Variants in PASK observed in about 807,000 individuals in gnomAD.
PASK encodes the protein PAS domain-containing serine/threonine-protein kinase.
PASK carries 110 observed loss-of-function variants against 121.0 expected under a neutral mutation model. That is an observed-to-expected ratio of 0.91 (90% confidence interval 0.78 to 1.06). The LOEUF is 1.06. Among genes scored for constraint, PASK ranks in the 50% least tolerant of loss-of-function variants. The pLI is 0.00. For missense variants in PASK, 1,643 were observed against 1,702.3 expected (o/e 0.97, Z 0.61); for synonymous variants, 686 against 717.8 (o/e 0.96, Z 0.71).
chr2:241,112,152 G>T lies in PASK; in HGVS notation c.3533+88C>A. 2 of 1,000,292 alleles carry T rather than the reference G, an allele frequency of 2.0e-6. No homozygotes were observed. Among genetic ancestry groups the T allele is most frequent in the South Asian group, 1.3e-5 (1 of 77,382 alleles). The allele number at this position is 1,000,292 out of a possible 1,614,324, so 62.0% of individuals were successfully genotyped here. A position where few individuals can be genotyped will look rare whatever the true frequency, so the allele number is the denominator to read the frequency against. ...AACACTCATCACAAAGAGGCACAAA[G>T]GAAGCCATTTTCCCACCCAAAATCA... On this transcript the variant is annotated intron_variant, in intron 15 of 17. Coordinates refer to ENST00000234040, the MANE Select transcript of PASK (RefSeq NM_015148.4). This position sits in a 1 kb window ranked among gnomAD's most constrained non-coding sequence, Gnocchi z 5.2.
Position 241,115,405 on chromosome 2 carries a change from C to T in PASK, c.3081G>A (p.Val1027=). 1.2e-6 allele frequency: 2 copies of T among 1,613,840 alleles called. No individual in the cohort carries two copies. Among genetic ancestry groups the T allele is most frequent in the South Asian group, 1.1e-5 (1 of 91,084 alleles). The part of the protein sequence containing the change: ...VDKEKNKEVV[V]KFIKKEKVLE... ...AGACCTTCTCCTTCTTAATAAACTT[C>T]ACCACCACCTGTGAGGAAGACAGAG... is the stretch of plus-strand genomic sequence containing the variant. The change falls in exon 13 of 18, where the codon GTG becomes GTA. Residue 1027 remains valine, a synonymous_variant. Transcript: ENST00000234040.
Position 241,112,235 on chromosome 2 carries a change from C to G in PASK, c.3533+5G>C. On this transcript the variant is annotated splice_donor_5th_base_variant and intron_variant, in intron 15 of 17. Transcript: ENST00000234040. The surrounding 1 kb of genome is among the most constrained non-coding windows in gnomAD (Gnocchi z 5.2). Reference sequence around the variant, plus strand: ...GGACGGGCCGCACCGCAGCCGCATACGTACGGATTCCCCATGAGAACTTCC... The same window carrying G: ...GGACGGGCCGCACCGCAGCCGCATAGGTACGGATTCCCCATGAGAACTTCC... 1 of 1,609,654 alleles carries G rather than the reference C, an allele frequency of 6.2e-7. No homozygotes were observed. The highest frequency in any genetic ancestry group is 8.5e-7 in the Non-Finnish European group (1 of 1,175,980).
At chr2:241,117,890 G>A (rs913729102) in intron 12 of PASK, among the ~76,000 whole-genome samples, 1 of 152,056 alleles carries the variant, frequency 6.6e-6, no homozygotes, top group African/African-American at 2.4e-5. Context: ...ATATATTCTA[G>A]CAAATGAAAA....
At chr2:241,118,159 A>G (rs778913679) in intron 12 of PASK, among the ~76,000 whole-genome samples, 2 of 152,182 alleles carry the variant, frequency 1.3e-5, no homozygotes, top group Non-Finnish European at 2.9e-5. Flanking sequence ...AGCTCATCCT[A>G]AAATCCTTAA....
At chr2:241,113,213 G>C (rs1246218761) in intron 14 of PASK, 1 of 152,192 alleles carries the variant, frequency 6.6e-6, no homozygotes, top group Non-Finnish European at 1.5e-5. Flanking sequence ...AATCAACTTA[G>C]TGACTTCATG....
chr2:241,141,231 G>A (rs1315507742), intron 2 of PASK, among the ~76,000 whole-genome samples: 7 of 152,186 alleles, frequency 4.6e-5, no homozygotes, highest in African/African-American at 1.4e-4. Flanking sequence ...AGACTGCAGC[G>A]AGCTATGACT....
intron 1 of PASK, among the ~76,000 whole-genome samples, chr2:241,144,553 A>G (rs2066864077): frequency 6.6e-6 from 1 of 152,172 alleles, no homozygotes; most frequent in Non-Finnish European, 1.5e-5. Context: ...TCCCAGCCAA[A>G]GGGTCTGGTG....
chr2:241,123,821 A>G (rs750501035), intron 11 of PASK, 128 bp downstream of exon 11: 2 of 177,324 alleles, frequency 1.1e-5, no homozygotes, highest in Non-Finnish European at 2.2e-5. Flanking sequence ...TCCGTCCCAG[A>G]AAAAAAAAAA....
intron 9 of PASK, among the ~76,000 whole-genome samples, chr2:241,132,303 T>C (rs1001720146): frequency 2.0e-5 from 3 of 151,634 alleles, no homozygotes; most frequent in African/African-American, 7.3e-5. Context: ...GGCGGGTGGA[T>C]AACAAAGTCA....
rs2065921268 is a variant in PASK, at chr2:241,127,382, G to A, written c.1533C>T (p.Ile511=). 1 of 1,614,006 alleles carries A rather than the reference G, an allele frequency of 6.2e-7. No individual in the cohort carries two copies. Among genetic ancestry groups the A allele is most frequent in the African/African-American group, 1.3e-5 (1 of 74,932 alleles). ...CAGGTTCCTCTCTCCCCAAGGCAGT[G>A]ATTTGCTGGTCCTTGGGCAGCGCCT... ...GEQALPKDQQ[I]TALGREEPVA... is the part of the protein sequence containing the mutation. Residue 511 remains isoleucine, a synonymous_variant, in exon 10 of 18, where the codon ATC becomes ATT. Coordinates refer to ENST00000234040, the MANE Select transcript of PASK (RefSeq NM_015148.4).
chr2:241,140,558 T>C lies in PASK; in HGVS notation c.392A>G (p.Asn131Ser). 1 of 1,613,670 alleles carries C rather than the reference T, an allele frequency of 6.2e-7. No individual in the cohort carries two copies. Among genetic ancestry groups the C allele is most frequent in the Non-Finnish European group, 8.5e-7 (1 of 1,179,792 alleles). The part of the protein sequence containing the change: ...PLLPAPVCNP[N>S]KAIFTVDAKT... ...GGCATCCACCGTGAAGATGGCCTTG[T>C]TAGGGTTGCACACAGGGGCCGGAAG... is the stretch of plus-strand genomic sequence containing the variant. The change falls in exon 3 of 18, where the codon AAC becomes AGC. Residue 131 changes from asparagine (N) to serine (S), a missense_variant. Physicochemically the swap from Asn to Ser is conservative, Grantham distance 46 (BLOSUM62 1). This residue lies in a region of PASK where 1,176 missense variants were observed against 1,162.2 expected (regional missense o/e 1.01). Transcript: ENST00000234040.
intron 9 of PASK, 87 bp from the exon 10 acceptor site, chr2:241,127,538 T>C: frequency 8.9e-7 from 1 of 1,119,800 alleles, no homozygotes; most frequent in South Asian, 1.3e-5. Context: ...TAGAACTAAG[T>C]ACAAAGCATT....
At chr2:241,128,598 G>T (rs1164619824) in intron 9 of PASK, among the ~76,000 whole-genome samples, 1 of 152,196 alleles carries the variant, frequency 6.6e-6, no homozygotes, top group Non-Finnish European at 1.5e-5. Context: ...TCAGAAAGAG[G>T]ACAGGATCGG....
At chr2:241,114,910 C>T (rs1297791775) in intron 14 of PASK, 133 bp downstream of exon 14, 11 of 1,568,110 alleles carry the variant, frequency 7.0e-6, no homozygotes, top group Non-Finnish European at 9.5e-6. Context: ...ATATCCTACT[C>T]CATGAAATCC....
At position 241,122,794 on chromosome 2, in the gene PASK, G is replaced by A. The variant is rs753982709; in HGVS notation, c.3010C>T (p.Pro1004Ser). The part of the protein sequence containing the change: ...EYSQKYSTMS[P>S]LGSGAFGFVW... ...AAGCCGAAGGCCCCACTGCCCAGCGGGCTCATGGTACTGTACTTTTGGGAG... is the reference window on the plus strand; with the variant it reads ...AAGCCGAAGGCCCCACTGCCCAGCGAGCTCATGGTACTGTACTTTTGGGAG... The change falls in exon 12 of 18, where the codon CCG (proline) becomes TCG (serine). Residue 1004 changes from proline to serine, a missense_variant. By Grantham distance (74) the Pro-to-Ser change is moderately conservative (BLOSUM62 -1). Transcript: ENST00000234040. The A allele has an allele frequency of 1.9e-6, 3 of 1,614,184 alleles. 1 individual carries two copies. In the South Asian group the frequency reaches 3.3e-5, roughly 18 times the overall value.
At chr2:241,130,450 C>T (rs1266414072) in intron 9 of PASK, among the ~76,000 whole-genome samples, 1 of 152,178 alleles carries the variant, frequency 6.6e-6, no homozygotes, top group Non-Finnish European at 1.5e-5. Context: ...CTCTGTCCAC[C>T]AAGATGTCCC....
chr2:241,124,310 C>T (rs1430279222), intron 10 of PASK, among the ~76,000 whole-genome samples, 177 bp from the exon 11 acceptor site: 4 of 152,210 alleles, frequency 2.6e-5, no homozygotes, highest in African/African-American at 9.7e-5. Context: ...GCAGGCAGCA[C>T]CAAGGCCTGG....
chr2:241,139,680 G>A (rs752798630), intron 4 of PASK: 28 of 707,888 alleles, frequency 4.0e-5, no homozygotes, highest in East Asian at 2.5e-4. Context: ...CCATTCCTGC[G>A]ATGATTCGTT....
intron 2 of PASK, 77 bp from the exon 3 acceptor site, chr2:241,140,830 C>T (rs2066668758): frequency 1.1e-6 from 1 of 912,118 alleles, no homozygotes; most frequent in Non-Finnish European, 1.8e-6. Context: ...GCAAAGCACA[C>T]AGCCCTTGCC....
Sources: gnomAD v4.1 joint callset for allele counts (sites outside exome capture counted in the v4.1 genomes callset) on GRCh38, gnomAD v4.1.1 for gene constraint, gnomAD v4.1.1 regional missense constraint, Gnocchi (gnomAD v3.1) non-coding constraint, MANE v1.5 for transcripts, NCBI Gene and HGNC (gene_info 2026-07-23, HGNC 2026-07-21) for gene names.